The following VPS54 variants were observed in gnomAD, a reference collection of about 807,000 sequenced individuals.
VPS54 encodes VPS54 subunit of GARP complex.
A neutral mutation model predicts 121.5 loss-of-function variants in VPS54; 45 were observed. That is an observed-to-expected ratio of 0.37 (90% CI 0.29 to 0.47). The LOEUF is 0.47. VPS54 is among the 20% of genes least tolerant of loss of function. The pLI is 0.99. For missense variants in VPS54, 1,090 were observed against 1,131.4 expected, an observed-to-expected ratio of 0.96 and a Z score of 0.52; for synonymous variants, 371 against 385.8, an observed-to-expected ratio of 0.96 and a Z score of 0.45.
chr2:63,997,437 C>T (rs554844569), intron 1 of VPS54, among the ~76,000 whole-genome samples: 6 of 152,184 alleles, frequency 3.9e-5, no homozygotes, highest in East Asian at 3.9e-4. Context: ...GAAGATTGTA[C>T]GTATATAGGA....
intron 12 of VPS54, among the ~76,000 whole-genome samples, chr2:63,928,372 G>A (rs1400279473): frequency 6.6e-6 from 1 of 152,148 alleles, no homozygotes; most frequent in African/African-American, 2.4e-5. Context: ...CATTCTTAAA[G>A]AATTTTCAAC....
At chr2:63,935,881 T>C (rs534353263) in intron 11 of VPS54, among the ~76,000 whole-genome samples, 2 of 152,100 alleles carry the variant, frequency 1.3e-5, no homozygotes, top group Non-Finnish European at 2.9e-5. Context: ...TTTGGCTTAA[T>C]CGATAAAGGA....
intron 7 of VPS54, among the ~76,000 whole-genome samples, chr2:63,956,658 C>A (rs923626487): frequency 6.6e-6 from 1 of 152,156 alleles, no homozygotes; most frequent in African/African-American, 2.4e-5. Context: ...TGCTATATGA[C>A]CTCAGTTTTC....
chr2:63,926,665 G>A (rs1014590539), intron 12 of VPS54, among the ~76,000 whole-genome samples: 6 of 152,208 alleles, frequency 3.9e-5, no homozygotes, highest in Non-Finnish European at 5.9e-5. Flanking sequence ...TGGAGGGTGC[G>A]CTGAAGCAGG....
intron 7 of VPS54, among the ~76,000 whole-genome samples, chr2:63,955,174 T>C (rs1675436145): frequency 6.6e-6 from 1 of 152,056 alleles, no homozygotes; most frequent in Non-Finnish European, 1.5e-5. Flanking sequence ...AAACTTTGCT[T>C]TGCATTGACA....
chr2:64,017,489 A>C (rs1010006300), intron 1 of VPS54, among the ~76,000 whole-genome samples: 49 of 152,210 alleles, frequency 3.2e-4, no homozygotes, highest in African/African-American at 9.6e-4. Flanking sequence ...AGAAAATATA[A>C]GCATATGCAA....
intron 14 of VPS54, 120 bp downstream of exon 14, chr2:63,920,326 A>G (rs916109799): frequency 1.0e-6 from 1 of 956,240 alleles, no homozygotes; most frequent in Non-Finnish European, 1.4e-6. Context: ...TCTGCCTTTA[A>G]TTAAAAAAAC....
At chr2:63,930,280 C>A (rs1236364699) in intron 12 of VPS54, among the ~76,000 whole-genome samples, 7 of 152,128 alleles carry the variant, frequency 4.6e-5, no homozygotes, top group Non-Finnish European at 1.0e-4. Context: ...TACCGGCAAA[C>A]CGAATCCAGC....
intron 1 of VPS54, among the ~76,000 whole-genome samples, chr2:63,988,853 A>G (rs1208408048): frequency 6.6e-6 from 1 of 152,226 alleles, no homozygotes; most frequent in Non-Finnish European, 1.5e-5. Context: ...CAAGGGAGAT[A>G]ACCATTAGGT....
chr2:63,898,880 G>C (rs890090387), intron 21 of VPS54, among the ~76,000 whole-genome samples: 8 of 152,118 alleles, frequency 5.3e-5, no homozygotes, highest in Admixed American at 4.6e-4. Context: ...TGTTACTGAG[G>C]AGTGAAGAGA....
At chr2:63,902,261 G>C (rs796923972) in intron 20 of VPS54, among the ~76,000 whole-genome samples, 1 of 152,118 alleles carries the variant, frequency 6.6e-6, no homozygotes, top group African/African-American at 2.4e-5. Context: ...GATGTACAGA[G>C]ATGACTAAAA....
intron 3 of VPS54, among the ~76,000 whole-genome samples, chr2:63,981,029 A>C (rs1415204153): frequency 1.3e-5 from 2 of 152,104 alleles, no homozygotes; most frequent in African/African-American, 4.8e-5. Flanking sequence ...AGCTAAATTC[A>C]AATTAGGCTT....
chr2:63,946,100 A>G (rs1674964612), intron 9 of VPS54, among the ~76,000 whole-genome samples: 1 of 152,048 alleles, frequency 6.6e-6, no homozygotes, highest in Non-Finnish European at 1.5e-5. Context: ...CCATAGAATA[A>G]TTTTGCCTGC....
chr2:64,006,765 C>G (rs1037651286), intron 1 of VPS54, among the ~76,000 whole-genome samples: 1 of 152,156 alleles, frequency 6.6e-6, no homozygotes, highest in Non-Finnish European at 1.5e-5. Context: ...ACTACAGGCG[C>G]ATGCCACCAC....
At chr2:64,012,556 A>G (rs1162492757) in intron 1 of VPS54, among the ~76,000 whole-genome samples, 1 of 151,392 alleles carries the variant, frequency 6.6e-6, no homozygotes, top group Non-Finnish European at 1.5e-5. Context: ...TTTCTGAGAT[A>G]GAGTATAGGT....
chr2:63,941,214 CTTTTTT>C (rs1161144432), intron 11 of VPS54, among the ~76,000 whole-genome samples: 1 of 151,952 alleles, frequency 6.6e-6, no homozygotes, highest in African/African-American at 2.4e-5. Context: ...TGATTGTATT[CTTTTTT>C]TATTTTTATT....
At chr2:63,924,098 AT>A (rs1348209420) in intron 12 of VPS54, among the ~76,000 whole-genome samples, 1 of 152,246 alleles carries the variant, frequency 6.6e-6, no homozygotes, top group African/African-American at 2.4e-5. Context: ...GGTTCAATGT[AT>A]AAAGTGAGCC....
intron 11 of VPS54, among the ~76,000 whole-genome samples, chr2:63,938,454 C>A (rs1010289495): frequency 1.3e-5 from 2 of 152,038 alleles, no homozygotes; most frequent in Admixed American, 1.3e-4. Flanking sequence ...TTCAGCCCCA[C>A]CTTGGCCAGA....
intron 1 of VPS54, among the ~76,000 whole-genome samples, chr2:63,996,123 A>C (rs1677576157): frequency 6.6e-6 from 1 of 152,214 alleles, no homozygotes; most frequent in South Asian, 2.1e-4. Context: ...ATAAAAAGAA[A>C]GGGAGAGATG....
Sources: gnomAD v4.1 joint callset for allele counts (sites outside exome capture counted in the v4.1 genomes callset) on GRCh38, gnomAD v4.1.1 for gene constraint, MANE v1.5 for transcripts, NCBI Gene and HGNC (gene_info 2026-07-23, HGNC 2026-07-21) for gene names.